Variants in GREB1 observed in about 807,000 individuals in gnomAD.
The protein encoded by GREB1 is protein GREB1.
Under a neutral mutation model 200.7 loss-of-function variants are expected in GREB1, and 106 were observed. That is an observed-to-expected ratio of 0.53 (90% confidence interval 0.45 to 0.62). The LOEUF is 0.62. Ranked by LOEUF, GREB1 falls within the 20% of genes least tolerant of loss-of-function variation. The pLI is 0.00. For synonymous variants in GREB1, 1,132 were observed against 1,092.4 expected (o/e 1.04, Z -0.72); for missense variants, 2,243 against 2,556.8 (o/e 0.88, Z 2.65).
chr2:11,575,353 T>C (rs1271509989), intron 4 of GREB1, among the ~76,000 whole-genome samples: 3 of 152,240 alleles, frequency 2.0e-5, no homozygotes, highest in African/African-American at 7.2e-5. Flanking sequence ...ACATTTCTCA[T>C]CTTAACCAAC....
rs567146711 is a variant in GREB1, at chr2:11,616,405, T to C, written c.3323-226T>C. Among the ~76,000 whole-genome samples the C allele has an allele frequency of 3.3e-5, 5 of 152,242 alleles. No individual in the cohort carries two copies. In the East Asian group the frequency reaches 5.8e-4, roughly 18 times the overall value. On this transcript the variant is annotated intron_variant, in intron 20 of 32. Coordinates refer to ENST00000381486, the MANE Select transcript of GREB1 (RefSeq NM_014668.4). ...TCCACCAGCTTGCAGCTGTGCCTCA[T>C]GGGCAGGAGCCTTCGCTGCACCCAG...
intron 1 of GREB1, among the ~76,000 whole-genome samples, chr2:11,514,169 A>G (rs1221449574): frequency 6.6e-6 from 1 of 152,224 alleles, no homozygotes; most frequent in Non-Finnish European, 1.5e-5. Flanking sequence ...CCCAGGAAGC[A>G]GGAAATAGGC....
chr2:11,582,293 G>A (rs1271402805), intron 7 of GREB1, among the ~76,000 whole-genome samples: 1 of 152,204 alleles, frequency 6.6e-6, no homozygotes, highest in Non-Finnish European at 1.5e-5. Flanking sequence ...GCTCCGTGGA[G>A]GGGTGTGGGA....
At chr2:11,632,339 T>C (rs956275129) in intron 27 of GREB1, among the ~76,000 whole-genome samples, 10 of 138,572 alleles carry the variant, frequency 7.2e-5, no homozygotes, top group African/African-American at 3.0e-4. Flanking sequence ...TTCTCTCTTT[T>C]TTTTTTTTTT....
At position 11,587,741 on chromosome 2, in the gene GREB1, A is replaced by ACACACACG; in HGVS notation, c.1160-1004_1160-1003insACACACGC. On this transcript the variant is annotated intron_variant, in intron 9 of 32. Transcript: ENST00000381486. The stretch of plus-strand genomic sequence containing the variant: ...CACACACACACACACACACACACAC[A>ACACACACG]CGCCACCTTTGGGAGCTCAGCAGCC... 1.5e-4 allele frequency: 119 copies of ACACACACG among 788,398 alleles called. 3 individuals are homozygous for ACACACACG. In the African/African-American group the frequency reaches 1.7e-3, roughly 11 times the overall value. The allele number at this position is 788,398 out of a possible 1,614,324, so 48.8% of individuals were successfully genotyped here.
At chr2:11,604,735 C>T (rs904365563) in intron 17 of GREB1, among the ~76,000 whole-genome samples, 6 of 152,212 alleles carry the variant, frequency 3.9e-5, no homozygotes, top group African/African-American at 1.4e-4. Flanking sequence ...GACATCTTTC[C>T]ACCATACCGC....
intron 29 of GREB1, 64 bp from the exon 30 acceptor site, chr2:11,635,206 G>A: frequency 6.3e-7 from 1 of 1,599,748 alleles, no homozygotes; most frequent in Non-Finnish European, 8.5e-7. Context: ...CTAGGTGCTG[G>A]GGGCAGTGAC....
At chr2:11,513,178 A>G (rs1363868227) in intron 1 of GREB1, among the ~76,000 whole-genome samples, 2 of 152,188 alleles carry the variant, frequency 1.3e-5, no homozygotes, top group African/African-American at 4.8e-5. Context: ...AGGATGAATC[A>G]AATCTGTCTA....
intron 7 of GREB1, among the ~76,000 whole-genome samples, chr2:11,583,334 G>A (rs1340487434): frequency 2.6e-5 from 4 of 152,216 alleles, no homozygotes; most frequent in African/African-American, 9.7e-5. Flanking sequence ...ACAGATGTTT[G>A]CAGAGTCTAA....
chr2:11,491,971 A>G (rs1572544905), intron 1 of GREB1, among the ~76,000 whole-genome samples: 1 of 151,888 alleles, frequency 6.6e-6, no homozygotes, highest in Non-Finnish European at 1.5e-5. Flanking sequence ...CTCTGTTCCA[A>G]CCTCTTTCAG....
At chr2:11,607,481 TACATATATATAC>T (rs1682438324) in intron 17 of GREB1, among the ~76,000 whole-genome samples, 1 of 144,390 alleles carries the variant, frequency 6.9e-6, no homozygotes, top group Non-Finnish European at 1.5e-5. Flanking sequence ...TACACACACA[TACATATATATAC>T]ACATATATAT....
At chr2:11,607,583 T>TGC in intron 17 of GREB1, among the ~76,000 whole-genome samples, 1 of 55,454 alleles carries the variant, frequency 1.8e-5, no homozygotes, top group East Asian at 5.2e-4. Flanking sequence ...TACACATATA[T>TGC]ACATATATAC....
At chr2:11,585,995 G>T in intron 9 of GREB1, 90 bp downstream of exon 9, 1 of 1,340,584 alleles carries the variant, frequency 7.5e-7, no homozygotes, top group South Asian at 1.2e-5. Context: ...ATCCCGGTCT[G>T]ACTCCAAGGG....
chr2:11,511,604 C>A (rs1402843949), intron 1 of GREB1, among the ~76,000 whole-genome samples: 1 of 151,990 alleles, frequency 6.6e-6, no homozygotes, highest in African/African-American at 2.4e-5. Flanking sequence ...TGAAGGTGAC[C>A]CGGTGAGAGG....
intron 17 of GREB1, among the ~76,000 whole-genome samples, chr2:11,607,563 T>TAC (rs1367739713): frequency 2.3e-5 from 3 of 132,216 alleles, no homozygotes; most frequent in African/African-American, 9.4e-5. Context: ...TACATATATA[T>TAC]ACGCATATAT....
chr2:11,554,809 A>G (rs1454039710), intron 1 of GREB1, among the ~76,000 whole-genome samples: 2 of 152,256 alleles, frequency 1.3e-5, no homozygotes, highest in African/African-American at 4.8e-5. Flanking sequence ...GTATATGTCA[A>G]AAAGAAACCC....
At chr2:11,596,773 G>GA (rs1022928034) in intron 13 of GREB1, among the ~76,000 whole-genome samples, 1 of 125,856 alleles carries the variant, frequency 7.9e-6, no homozygotes, top group African/African-American at 3.4e-5. Context: ...TGTACACAGT[G>GA]AGGGGGGTGG....
At position 11,602,531 on chromosome 2, in the gene GREB1, A is replaced by T; in HGVS notation, c.2655A>T (p.Ala885=). The change falls in exon 17 of 33, where the codon GCA becomes GCT. Residue 885 remains alanine, a synonymous_variant. Transcript: ENST00000381486. ...YDSSFEAMVT[A]LGKRFPRLHS... is the part of the protein sequence containing the mutation. Reference sequence around the variant, plus strand: ...GCTCCTTTGAGGCCATGGTCACTGCATTAGGAAAAAGGTACTTGTTTCTCT... The same window carrying T: ...GCTCCTTTGAGGCCATGGTCACTGCTTTAGGAAAAAGGTACTTGTTTCTCT... 1 of 1,613,986 alleles carries T rather than the reference A, an allele frequency of 6.2e-7. No individual in the cohort carries two copies. Among genetic ancestry groups the T allele is most frequent in the Non-Finnish European group, 8.5e-7 (1 of 1,179,834 alleles).
intron 1 of GREB1, among the ~76,000 whole-genome samples, chr2:11,545,237 C>T (rs184793933): frequency 2.1e-4 from 32 of 152,070 alleles, no homozygotes; most frequent in Admixed American, 1.8e-3. Context: ...CAGGTTCAAG[C>T]GATTCTCCTG....
Sources: gnomAD v4.1 joint callset for allele counts (sites outside exome capture counted in the v4.1 genomes callset) on GRCh38, gnomAD v4.1.1 for gene constraint, MANE v1.5 for transcripts, NCBI Gene and HGNC (gene_info 2026-07-23, HGNC 2026-07-21) for gene names.